Variants in CDH13 observed in about 807,000 individuals in gnomAD.
CDH13 encodes the protein cadherin 13, also known as cadherin-13.
In CDH13, 24 loss-of-function variants were observed where a neutral mutation model predicts 63.8. The observed-to-expected ratio is 0.38, with a 90% CI of 0.27 to 0.53. The LOEUF is 0.53. CDH13 is among the 20% of genes least tolerant of loss of function. CDH13 has a pLI of 0.85. For synonymous variants in CDH13, 503 were observed against 355.3 expected (o/e 1.42, Z -4.67); for missense variants, 1,049 against 903.1 (o/e 1.16, Z -2.07).
intron 6 of CDH13, among the ~76,000 whole-genome samples, chr16:83,357,489 T>C (rs1409055698): frequency 6.6e-6 from 1 of 152,142 alleles, no homozygotes; most frequent in South Asian, 2.1e-4. Flanking sequence ...CAACTAAAAC[T>C]CAGGTAACCC....
chr16:82,831,337 A>G (rs1463884025), intron 1 of CDH13, among the ~76,000 whole-genome samples: 1 of 152,182 alleles, frequency 6.6e-6, no homozygotes, highest in African/African-American at 2.4e-5. Context: ...TTCATCCAGA[A>G]TCCTAACAAT....
chr16:83,660,584 G>A (rs1005749232), intron 8 of CDH13, among the ~76,000 whole-genome samples: 1 of 152,216 alleles, frequency 6.6e-6, no homozygotes, highest in African/African-American at 2.4e-5. Context: ...AGTAGTGGTG[G>A]TTGGGAACCA....
chr16:83,775,145 A>C (rs925015573), intron 11 of CDH13, among the ~76,000 whole-genome samples: 1 of 151,636 alleles, frequency 6.6e-6, no homozygotes, highest in Non-Finnish European at 1.5e-5. Flanking sequence ...GAGGCCTGAC[A>C]CTCACGGTGT....
At chr16:83,531,453 A>G (rs941209496) in intron 7 of CDH13, among the ~76,000 whole-genome samples, 1 of 152,206 alleles carries the variant, frequency 6.6e-6, no homozygotes, top group African/African-American at 2.4e-5. Flanking sequence ...GATTAAGTCA[A>G]GGATCTTGAG....
intron 5 of CDH13, among the ~76,000 whole-genome samples, chr16:83,261,790 G>A (rs1350859012): frequency 2.0e-5 from 3 of 151,448 alleles, no homozygotes; most frequent in Non-Finnish European, 4.4e-5. Context: ...ACCCAGATCT[G>A]TGGGGTACCA....
intron 7 of CDH13, among the ~76,000 whole-genome samples, chr16:83,514,831 A>G (rs977785173): frequency 6.6e-6 from 1 of 152,142 alleles, no homozygotes; most frequent in Non-Finnish European, 1.5e-5. Flanking sequence ...GAACTTCCAG[A>G]AGGAAGGACT....
chr16:83,530,448 G>C (rs942215914), intron 7 of CDH13, among the ~76,000 whole-genome samples: 1 of 152,138 alleles, frequency 6.6e-6, no homozygotes, highest in African/African-American at 2.4e-5. Context: ...CCAGAACAGA[G>C]AGCCAAAATT....
At chr16:82,708,664 G>T (rs951271658) in intron 1 of CDH13, among the ~76,000 whole-genome samples, 1 of 152,154 alleles carries the variant, frequency 6.6e-6, no homozygotes, top group Non-Finnish European at 1.5e-5. Flanking sequence ...CCCAGCTCAA[G>T]ATAGTCAGGG....
intron 7 of CDH13, among the ~76,000 whole-genome samples, chr16:83,535,606 G>C (rs183426511): frequency 6.6e-6 from 1 of 152,176 alleles, no homozygotes; most frequent in Admixed American, 6.5e-5. Flanking sequence ...CTCAACATGG[G>C]GAAGGTGTTA....
intron 7 of CDH13, among the ~76,000 whole-genome samples, chr16:83,567,304 C>T (rs897410205): frequency 3.3e-5 from 5 of 152,118 alleles, no homozygotes; most frequent in Admixed American, 6.5e-5. Context: ...CTTTGTATTC[C>T]TGGTTCTTGG....
At chr16:83,723,921 T>C (rs1044943201) in intron 10 of CDH13, among the ~76,000 whole-genome samples, 1 of 152,300 alleles carries the variant, frequency 6.6e-6, no homozygotes. Context: ...CATGAATTGA[T>C]GGATGCATGG....
At chr16:82,866,482 G>A (rs1344626549) in intron 2 of CDH13, among the ~76,000 whole-genome samples, 22 of 135,088 alleles carry the variant, frequency 1.6e-4, no homozygotes, top group East Asian at 1.0e-3. Context: ...TCTGCCTCCC[G>A]GGTTCAAGCG....
chr16:82,674,581 G>C (rs1913677964), intron 1 of CDH13, among the ~76,000 whole-genome samples: 2 of 152,292 alleles, frequency 1.3e-5, no homozygotes, highest in South Asian at 4.1e-4. Context: ...GAAGTCCTTG[G>C]ATCAGGTACG....
At chr16:83,697,974 T>C (rs1905643863) in intron 10 of CDH13, among the ~76,000 whole-genome samples, 1 of 152,198 alleles carries the variant, frequency 6.6e-6, no homozygotes, top group South Asian at 2.1e-4. Flanking sequence ...GACATAGCTA[T>C]GGTGAGTAAC....
chr16:83,053,388 C>A (rs1207683530), intron 3 of CDH13, among the ~76,000 whole-genome samples: 1 of 152,078 alleles, frequency 6.6e-6, no homozygotes, highest in African/African-American at 2.4e-5. Context: ...GACAACCTCT[C>A]TCCTGGGGTA....
At chr16:82,983,391 G>T (rs1001363982) in intron 2 of CDH13, among the ~76,000 whole-genome samples, 2 of 152,152 alleles carry the variant, frequency 1.3e-5, no homozygotes, top group East Asian at 1.9e-4. Context: ...ACTTGCATTT[G>T]CTCCTCAGGA....
chr16:83,691,071 C>CGTGTGTGTGTGTGTGT (rs58023339), intron 10 of CDH13, among the ~76,000 whole-genome samples: 16 of 141,012 alleles, frequency 1.1e-4, no homozygotes, highest in East Asian at 1.1e-3. Context: ...CCAACTGTGC[C>CGTGTGTGTGTGTGTGT]GTGTGTGTGT....
intron 4 of CDH13, among the ~76,000 whole-genome samples, chr16:83,165,184 T>TC (rs1455342610): frequency 1.3e-5 from 2 of 151,798 alleles, no homozygotes; most frequent in African/African-American, 2.4e-5. Context: ...AAAGGCCAAG[T>TC]CCAGTAAGTC....
chr16:83,602,778 G>T (rs956427338), intron 8 of CDH13, among the ~76,000 whole-genome samples, 184 bp downstream of exon 8: 1 of 148,854 alleles, frequency 6.7e-6, no homozygotes, highest in South Asian at 2.1e-4. Flanking sequence ...TTGTGTGTGA[G>T]GCTAAAATAC....
Sources: allele counts gnomAD v4.1 joint callset (sites outside exome capture counted in the v4.1 genomes callset), GRCh38; gene constraint gnomAD v4.1.1; transcripts MANE v1.5; gene names NCBI Gene and HGNC (gene_info 2026-07-23, HGNC 2026-07-21).